The following SH3GLB1 variants were observed in gnomAD, a reference collection of about 807,000 sequenced individuals.
SH3GLB1 encodes endophilin-B1.
SH3GLB1 carries 17 observed loss-of-function variants against 42.0 expected under a neutral mutation model. That is an observed-to-expected ratio of 0.40 (90% CI 0.28 to 0.61). The LOEUF is 0.61. Among genes scored for constraint, SH3GLB1 ranks in the 20% least tolerant of loss-of-function variants. The pLI is 0.36. For missense variants in SH3GLB1, 355 were observed against 426.3 expected (o/e 0.83, Z 1.47); for synonymous variants, 132 against 146.6 (o/e 0.90, Z 0.72).
chr1:86,746,236 A>G lies in SH3GLB1; in HGVS notation c.*3001A>G, dbSNP rs1036926528. The stretch of plus-strand genomic sequence containing the variant: ...AGTGTTGGGGAAACATTTCTGGGAT[A>G]AACTGTGGAGTGGAGAAGACAATGG... On this transcript the variant is annotated 3_prime_UTR_variant, in exon 9 of 9. Transcript: ENST00000370558. The G allele has an allele frequency of 2.6e-5, 4 of 152,444 alleles. No homozygotes were observed. Among genetic ancestry groups the G allele is most frequent in the African/African-American group, 9.7e-5 (4 of 41,418 alleles). 9.4% of individuals were successfully genotyped at this position (152,444 alleles called of 1,614,324 possible).
intron 2 of SH3GLB1, among the ~76,000 whole-genome samples, chr1:86,716,464 T>C (rs1654542029): frequency 6.6e-6 from 1 of 152,068 alleles, no homozygotes; most frequent in Non-Finnish European, 1.5e-5. Flanking sequence ...TGTGTGTCTT[T>C]AGTAGAGATA....
chr1:86,715,604 G>A lies in SH3GLB1; in HGVS notation c.73-120G>A, dbSNP rs1654474819. ...TTCATAAGCAATGGCTTACAAAGCT[G>A]GAGCATGGTTATTTGTATGTTTAGG... On this transcript the variant is annotated intron_variant, in intron 1 of 8. Coordinates refer to ENST00000370558, the MANE Select transcript of SH3GLB1 (RefSeq NM_016009.5). 6 of 1,022,442 alleles carry A rather than the reference G, an allele frequency of 5.9e-6. No individual in the cohort carries two copies. The South Asian group carries it at 9.1e-5, about 15-fold the overall frequency. The allele number at this position is 1,022,442 out of a possible 1,614,324, so 63.3% of individuals were successfully genotyped here.
chr1:86,704,972 G>C lies in SH3GLB1; in HGVS notation c.72+1G>C. 1 of 1,572,458 alleles carries C rather than the reference G, an allele frequency of 6.4e-7. No individual in the cohort carries two copies. Among genetic ancestry groups the C allele is most frequent in the South Asian group, 1.2e-5 (1 of 86,528 alleles). On this transcript the variant is annotated splice_donor_variant, in intron 1 of 8. Coordinates refer to ENST00000370558, the MANE Select transcript of SH3GLB1 (RefSeq NM_016009.5). LOFTEE classifies it high-confidence loss of function. ...CACCTTCCTCAGTCGCGCCGTGCAG[G>C]TACCCTGGTGCTGGGGGGAAAAGGG...
Position 86,719,542 on chromosome 1 carries a change from G to A in SH3GLB1, c.250G>A (p.Asp84Asn). The A allele has an allele frequency of 3.1e-6, 5 of 1,610,160 alleles. No individual in the cohort carries two copies. The South Asian group carries it at 5.5e-5, about 18-fold the overall frequency. The change falls in exon 3 of 9, where the codon GAT (aspartate) becomes AAT (asparagine). Residue 84 changes from aspartate (D) to asparagine (N), a missense_variant. Transcript: ENST00000370558. The stretch of plus-strand genomic sequence containing the variant: ...AGAAGAATTTGTTTATGAGAAACTG[G>A]ATAGAAAAGCTCCAAGTCGTATAAA... Reference protein sequence around the residue: ...RIEEFVYEKLDRKAPSRINNP... With the variant: ...RIEEFVYEKLNRKAPSRINNP...
intron 1 of SH3GLB1, among the ~76,000 whole-genome samples, chr1:86,712,714 C>G (rs1347581824): frequency 1.3e-5 from 2 of 151,946 alleles, no homozygotes; most frequent in East Asian, 1.9e-4. Context: ...TGTAATTAGA[C>G]TGTCTCACTC....
At chr1:86,740,150 CAA>C (rs35758882) in intron 7 of SH3GLB1, among the ~76,000 whole-genome samples, 123 of 141,330 alleles carry the variant, frequency 8.7e-4, no homozygotes, top group African/African-American at 1.5e-3. Context: ...ACTCCTGTAT[CAA>C]AAAAAAAAAA....
Position 86,742,394 on chromosome 1 carries a change from T to C in SH3GLB1, c.948T>C (p.Tyr316=), listed in dbSNP as rs2053141445. ...GSRKARVLYD[Y]DAANSTELSL... ...GAAAGGCCAGGGTTCTCTATGATTA[T>C]GATGCAGCAAACAGTACTGAATTAT... is the stretch of plus-strand genomic sequence containing the variant. The change falls in exon 8 of 9, where the codon TAT becomes TAC. Residue 316 remains tyrosine (Y), a synonymous_variant. Coordinates refer to ENST00000370558, the MANE Select transcript of SH3GLB1 (RefSeq NM_016009.5). The C allele has an allele frequency of 1.2e-6, 2 of 1,614,008 alleles. No individual in the cohort carries two copies. The highest frequency in any genetic ancestry group is 1.1e-5 in the South Asian group (1 of 91,086).
intron 7 of SH3GLB1, 58 bp from the exon 8 acceptor site, chr1:86,742,149 TG>T: frequency 7.9e-7 from 1 of 1,261,734 alleles, no homozygotes; most frequent in African/African-American, 1.5e-5. Flanking sequence ...CACCGAGTGG[TG>T]GTATTAAGGA....
intron 7 of SH3GLB1, among the ~76,000 whole-genome samples, 195 bp from the exon 8 acceptor site, chr1:86,742,013 A>G (rs186927739): frequency 6.6e-6 from 1 of 152,306 alleles, no homozygotes; most frequent in Admixed American, 6.5e-5. Flanking sequence ...TTTGAATACC[A>G]CCTGAATTGT....
In SH3GLB1 at chr1:86,734,615, T is replaced by C; in HGVS notation, c.584T>C (p.Leu195Ser). The change falls in exon 6 of 9, where the codon TTA (leucine) becomes TCA (serine). Residue 195 changes from leucine (L) to serine (S), a missense_variant. Transcript: ENST00000370558. Reference protein sequence around the residue: ...AETRNSSEQELRITQSEFDRQ... With the variant: ...AETRNSSEQESRITQSEFDRQ... ...TTCTTACTTAAGTCTGAACAGGAATTAAGAATAACTCAAAGTGAATTTGAT... is the reference window on the plus strand; with the variant it reads ...TTCTTACTTAAGTCTGAACAGGAATCAAGAATAACTCAAAGTGAATTTGAT... 6.2e-7 allele frequency: 1 copy of C among 1,612,320 alleles called. No individual in the cohort carries two copies. Among genetic ancestry groups the C allele is most frequent in the Non-Finnish European group, 8.5e-7 (1 of 1,178,600 alleles).
rs369135846 is a variant in SH3GLB1, at chr1:86,743,040, T to G, written c.991-88T>G. 2.7e-4 allele frequency: 285 copies of G among 1,042,460 alleles called. No homozygotes were observed. The African/African-American group carries it at 3.7e-3, about 14-fold the overall frequency. 64.6% of individuals were successfully genotyped at this position (1,042,460 alleles called of 1,614,324 possible). A position where few individuals can be genotyped will look rare whatever the true frequency, so the allele number is the denominator to read the frequency against. ...CGTTTAAAGTCCTTTTGGTGAATAATTTAAACAAATTAAATACAAATCTGA... is the reference window on the plus strand; with the variant it reads ...CGTTTAAAGTCCTTTTGGTGAATAAGTTAAACAAATTAAATACAAATCTGA... On this transcript the variant is annotated intron_variant, in intron 8 of 8. Transcript: ENST00000370558.
At chr1:86,713,931 T>A (rs1425744304) in intron 1 of SH3GLB1, among the ~76,000 whole-genome samples, 1 of 152,246 alleles carries the variant, frequency 6.6e-6, no homozygotes, top group Non-Finnish European at 1.5e-5. Flanking sequence ...TATGTTTTGT[T>A]GGCTGCTGAA....
intron 2 of SH3GLB1, among the ~76,000 whole-genome samples, chr1:86,719,190 G>A (rs1654720558): frequency 6.6e-6 from 1 of 152,070 alleles, no homozygotes; most frequent in Admixed American, 6.5e-5. Context: ...TACAAACAGG[G>A]CAAAGACACC....
rs1656109790 is a variant in SH3GLB1, at chr1:86,742,546, T to A, written c.990+110T>A. ...GTTATTTGGAAATGGTTTCATAGAT[T>A]ACAGATAGTTATATTAACATAAAAT... On this transcript the variant is annotated intron_variant, in intron 8 of 8. Transcript: ENST00000370558. 6.1e-6 allele frequency: 4 copies of A among 656,630 alleles called. No individual in the cohort carries two copies. In the South Asian group the frequency reaches 7.2e-5, roughly 12 times the overall value. The allele number at this position is 656,630 out of a possible 1,614,324, so 40.7% of individuals were successfully genotyped here.
intron 5 of SH3GLB1, among the ~76,000 whole-genome samples, chr1:86,731,056 T>C (rs1280005277): frequency 6.6e-6 from 1 of 152,230 alleles, no homozygotes; most frequent in Admixed American, 6.5e-5. Flanking sequence ...AGAAGCTGTC[T>C]GTATGACTGC....
chr1:86,735,214 A>G (rs1206081646), intron 7 of SH3GLB1, 35 bp downstream of exon 7: 11 of 1,457,558 alleles, frequency 7.5e-6, no homozygotes, highest in Non-Finnish European at 1.1e-5. Flanking sequence ...AAGAGGAGAA[A>G]TTCAGATTTT....
Position 86,744,316 on chromosome 1 carries a change from T to C in SH3GLB1, c.*1081T>C, listed in dbSNP as rs1017103546. 1.3e-5 allele frequency: 2 copies of C among 152,208 alleles called. No individual in the cohort carries two copies. The highest frequency in any genetic ancestry group is 4.8e-5 in the African/African-American group (2 of 41,446). The allele number at this position is 152,208 out of a possible 1,614,324, so 9.4% of individuals were successfully genotyped here. A position where few individuals can be genotyped will look rare whatever the true frequency, so the allele number is the denominator to read the frequency against. ...TAAGACTTCTGTTCTAATTCATTCA[T>C]TCAACAAACATTTGTTGAGGGCCAG... On this transcript the variant is annotated 3_prime_UTR_variant, in exon 9 of 9. Transcript: ENST00000370558.
rs149918828 is a variant in SH3GLB1, at chr1:86,719,822, C to T, written c.343+187C>T. Among the ~76,000 whole-genome samples the T allele has an allele frequency of 3.9e-3, 586 of 151,482 alleles. 5 individuals carry two copies. Among genetic ancestry groups the T allele is most frequent in the African/African-American group, 0.013 (554 of 41,286 alleles). On this transcript the variant is annotated intron_variant, in intron 3 of 8. Coordinates refer to ENST00000370558, the MANE Select transcript of SH3GLB1 (RefSeq NM_016009.5). ...TATCCTGGCTAACATGGTGAAACCC[C>T]GTCTCTACTAAAAATAACAAAAAAT...
intron 7 of SH3GLB1, among the ~76,000 whole-genome samples, chr1:86,740,642 T>C (rs1367372283): frequency 6.6e-6 from 1 of 152,132 alleles, no homozygotes; most frequent in Non-Finnish European, 1.5e-5. Flanking sequence ...ACTATTATTA[T>C]TGGAAGGGTT....
Sources: allele counts gnomAD v4.1 joint callset (sites outside exome capture counted in the v4.1 genomes callset), GRCh38; gene constraint gnomAD v4.1.1; transcripts MANE v1.5; gene names NCBI Gene and HGNC (gene_info 2026-07-23, HGNC 2026-07-21).